HARS2: variants seen among roughly 807,000 people sequenced by gnomAD.
HARS2 encodes histidine--tRNA ligase, mitochondrial.
Under a neutral mutation model 62.4 loss-of-function variants are expected in HARS2, and 40 were observed. The ratio of observed to expected loss-of-function variants is 0.64; its 90% CI spans 0.50 to 0.83. The LOEUF is 0.83. Ranked by LOEUF, HARS2 falls within the 40% of genes least tolerant of loss-of-function variation. HARS2 has a pLI of 0.00. For synonymous variants in HARS2, 228 were observed against 227.0 expected (o/e 1.00, Z -0.04); for missense variants, 569 against 626.4 (o/e 0.91, Z 0.98).
chr5:140,697,108 A>T, intron 9 of HARS2, 38 bp downstream of exon 9: 2 of 1,614,164 alleles, frequency 1.2e-6, no homozygotes, highest in Non-Finnish European at 1.7e-6. Context: ...GCTGAGCTCT[A>T]GGGCTCTCAG....
intron 11 of HARS2, 33 bp downstream of exon 11, chr5:140,697,718 T>C: frequency 6.7e-7 from 1 of 1,486,662 alleles, no homozygotes; most frequent in African/African-American, 1.4e-5. Context: ...GCCATCTGGG[T>C]ATGTGTGGAA....
intron 1 of HARS2, chr5:140,692,011 A>T: frequency 1.8e-6 from 1 of 562,080 alleles, no homozygotes; most frequent in Non-Finnish European, 3.2e-6. Flanking sequence ...TTATACACGG[A>T]TATGTAGTAA....
rs1759800656 is a variant in HARS2, at chr5:140,697,552, TTCTTCTC to T, written c.1198-12_1198-6del. The T allele has an allele frequency of 6.2e-7, 1 of 1,605,608 alleles. No individual in the cohort carries two copies. Among genetic ancestry groups the T allele is most frequent in the African/African-American group, 1.3e-5 (1 of 74,752 alleles). Reference sequence around the variant, plus strand: ...AAAGGAGGTTTTTATTAGTTTTACTTTCTTCTCTCTTATTAGACCAAAGGTGAGAAGG... The same window carrying T: ...AAAGGAGGTTTTTATTAGTTTTACTTTCTTATTAGACCAAAGGTGAGAAGG... On this transcript the variant is annotated splice_polypyrimidine_tract_variant and intron_variant, in intron 10 of 12. Coordinates refer to ENST00000230771, the MANE Select transcript of HARS2 (RefSeq NM_012208.4).
At chr5:140,696,717 C>A in intron 8 of HARS2, 103 bp downstream of exon 8, 1 of 954,468 alleles carries the variant, frequency 1.0e-6, no homozygotes, top group Non-Finnish European at 1.7e-6. Flanking sequence ...ATGCTAAGCT[C>A]CAGGGCCTGT....
intron 1 of HARS2, among the ~76,000 whole-genome samples, chr5:140,692,870 C>T (rs1759572331): frequency 6.7e-6 from 1 of 149,370 alleles, no homozygotes; most frequent in Non-Finnish European, 1.5e-5. Flanking sequence ...CCAGCCTGGG[C>T]GACAGAGTAA....
At position 140,696,003 on chromosome 5, in the gene HARS2, A is replaced by G; in HGVS notation, c.634-100A>G. 4 of 1,029,518 alleles carry G rather than the reference A, an allele frequency of 3.9e-6. No homozygotes were observed. In the East Asian group the frequency reaches 9.4e-5, roughly 24 times the overall value. 63.8% of individuals were successfully genotyped at this position (1,029,518 alleles called of 1,614,324 possible). A position where few individuals can be genotyped will look rare whatever the true frequency, so the allele number is the denominator to read the frequency against. Reference sequence around the variant, plus strand: ...CCTATATGTCTGTACTCTTCCTGTGAAATTTCCATCCTTTTTGTGTGTCAG... The same window carrying G: ...CCTATATGTCTGTACTCTTCCTGTGGAATTTCCATCCTTTTTGTGTGTCAG... On this transcript the variant is annotated intron_variant, in intron 6 of 12. Transcript: ENST00000230771.
Position 140,696,086 on chromosome 5 carries a change from T to C in HARS2, c.634-17T>C. 1 of 1,594,242 alleles carries C rather than the reference T, an allele frequency of 6.3e-7. No homozygotes were observed. The highest frequency in any genetic ancestry group is 8.6e-7 in the Non-Finnish European group (1 of 1,161,856). On this transcript the variant is annotated splice_polypyrimidine_tract_variant and intron_variant, in intron 6 of 12. Coordinates refer to ENST00000230771, the MANE Select transcript of HARS2 (RefSeq NM_012208.4). The stretch of plus-strand genomic sequence containing the variant: ...GGGCATTGACAAGCACTTGGGTCAC[T>C]GACATTGAGTTCTCAGGTAAATGAC...
At position 140,696,520 on chromosome 5, in the gene HARS2, G is replaced by A. The variant is rs1265603514; in HGVS notation, c.733-1G>A. 2.5e-6 allele frequency: 4 copies of A among 1,611,316 alleles called. No homozygotes were observed. Among genetic ancestry groups the A allele is most frequent in the Admixed American group, 1.7e-5 (1 of 60,018 alleles). The stretch of plus-strand genomic sequence containing the variant: ...GGGCTAATGTTTGGGTGTTTATGCA[G>A]ATGGCTTGGAAAGATGTGAGACATG... On this transcript the variant is annotated splice_acceptor_variant, in intron 7 of 12. Transcript: ENST00000230771. LOFTEE classifies it high-confidence loss of function.
intron 8 of HARS2, 53 bp downstream of exon 8, chr5:140,696,667 T>C (rs1340448276): frequency 1.6e-6 from 2 of 1,229,338 alleles, no homozygotes; most frequent in Non-Finnish European, 2.4e-6. Context: ...AGGTGACATG[T>C]GCTCAAATTC....
Position 140,697,623 on chromosome 5 carries a change from CAGA to C in HARS2, c.1257_1259del (p.Lys419del). ...GACTCAAGTGTTTGTGGCCACACCA[CAGA>C]AGAACTTTCTCCAAGAACGGTTGAA... is the stretch of plus-strand genomic sequence containing the variant. On this transcript the variant is annotated inframe_deletion, in exon 11 of 13. Coordinates refer to ENST00000230771, the MANE Select transcript of HARS2 (RefSeq NM_012208.4). The C allele has an allele frequency of 6.2e-7, 1 of 1,613,980 alleles. No individual in the cohort carries two copies. Among genetic ancestry groups the C allele is most frequent in the East Asian group, 2.2e-5 (1 of 44,904 alleles).
intron 8 of HARS2, 106 bp from the exon 9 acceptor site, chr5:140,696,828 CTTTTTTTTT>C (rs373912206): frequency 7.3e-5 from 48 of 656,542 alleles, no homozygotes; most frequent in Middle Eastern, 9.3e-4. Flanking sequence ...AGACTGGGAT[CTTTTTTTTT>C]TTTTTTTTTT....
chr5:140,691,487 A>T lies in HARS2; in HGVS notation c.-162A>T, dbSNP rs964241551. The stretch of plus-strand genomic sequence containing the variant: ...CTGGCTACTAAGGGAACTTGGGAGG[A>T]TCCCACCTCAGCCTTCGTGACTAGT... On this transcript the variant is annotated 5_prime_UTR_variant, in exon 1 of 13. Transcript: ENST00000230771. 2 of 716,852 alleles carry T rather than the reference A, an allele frequency of 2.8e-6. No individual in the cohort carries two copies. Among genetic ancestry groups the T allele is most frequent in the East Asian group, 2.7e-5 (1 of 37,058 alleles). 44.4% of individuals were successfully genotyped at this position (716,852 alleles called of 1,614,324 possible). A position where few individuals can be genotyped will look rare whatever the true frequency, so the allele number is the denominator to read the frequency against.
chr5:140,691,918 C>G lies in HARS2; in HGVS notation c.108+162C>G, dbSNP rs1391425313. ...CGATTTGGATGCCTGGTCATTTAAT[C>G]CTTGGAGCAATCTTGAGAGGTTGGA... On this transcript the variant is annotated intron_variant, in intron 1 of 12. Coordinates refer to ENST00000230771, the MANE Select transcript of HARS2 (RefSeq NM_012208.4). 2.0e-5 allele frequency: 13 copies of G among 640,242 alleles called. No individual in the cohort carries two copies. The East Asian group carries it at 3.6e-4, about 18-fold the overall frequency. The allele number at this position is 640,242 out of a possible 1,614,324, so 39.7% of individuals were successfully genotyped here. A position where few individuals can be genotyped will look rare whatever the true frequency, so the allele number is the denominator to read the frequency against.
intron 1 of HARS2, chr5:140,693,358 A>T: frequency 1.3e-6 from 1 of 750,756 alleles, no homozygotes; most frequent in South Asian, 1.7e-5. Context: ...ATCCATATAC[A>T]GTGAGGAAGC....
At chr5:140,697,817 C>G (rs1581553761) in intron 11 of HARS2, 115 bp from the exon 12 acceptor site, 1 of 1,323,554 alleles carries the variant, frequency 7.6e-7, no homozygotes, top group African/African-American at 1.4e-5. Context: ...ACTAGATTGG[C>G]TTTTTAGGGT....
Position 140,691,490 on chromosome 5 carries a change from C to G in HARS2, c.-159C>G. 5.6e-6 allele frequency: 4 copies of G among 718,384 alleles called. No individual in the cohort carries two copies. The highest frequency in any genetic ancestry group is 9.6e-6 in the Non-Finnish European group (4 of 415,940). 44.5% of individuals were successfully genotyped at this position (718,384 alleles called of 1,614,324 possible). A position where few individuals can be genotyped will look rare whatever the true frequency, so the allele number is the denominator to read the frequency against. ...GCTACTAAGGGAACTTGGGAGGATC[C>G]CACCTCAGCCTTCGTGACTAGTGAG... On this transcript the variant is annotated 5_prime_UTR_variant, in exon 1 of 13. Coordinates refer to ENST00000230771, the MANE Select transcript of HARS2 (RefSeq NM_012208.4).
Position 140,697,617 on chromosome 5 carries a change from A to G in HARS2, c.1246A>G (p.Thr416Ala). 6.2e-7 allele frequency: 1 copy of G among 1,614,122 alleles called. No homozygotes were observed. Among genetic ancestry groups the G allele is most frequent in the Non-Finnish European group, 8.5e-7 (1 of 1,179,936 alleles). Residue 416 changes from threonine (T) to alanine (A), a missense_variant, in exon 11 of 13, where the codon ACA (threonine) becomes GCA (alanine). Physicochemically the swap from Thr to Ala is moderately conservative, Grantham distance 58. Transcript: ENST00000230771. ...TACAGAGACTCAAGTGTTTGTGGCC[A>G]CACCACAGAAGAACTTTCTCCAAGA... ...RTTETQVFVA[T>A]PQKNFLQERL...
intron 1 of HARS2, 186 bp from the exon 2 acceptor site, chr5:140,693,405 G>A (rs1391202010): frequency 3.5e-6 from 4 of 1,158,194 alleles, no homozygotes; most frequent in African/African-American, 3.0e-5. Flanking sequence ...TATATTACAC[G>A]TGTAATTGTA....
Position 140,697,013 on chromosome 5 carries a change from C to T in HARS2, c.897C>T (p.Gly299=). ...CCCAGAACAAGCAGGCCCTGGAGGG[C>T]CTGGGAGACCTAAAGCTGCTATTTG... ...RLSQNKQALE[G]LGDLKLLFEY... Residue 299 remains glycine, a synonymous_variant, in exon 9 of 13, where the codon GGC becomes GGT. Coordinates refer to ENST00000230771, the MANE Select transcript of HARS2 (RefSeq NM_012208.4). 6.2e-7 allele frequency: 1 copy of T among 1,613,958 alleles called. No homozygotes were observed. The highest frequency in any genetic ancestry group is 8.5e-7 in the Non-Finnish European group (1 of 1,179,924).
Sources: allele counts gnomAD v4.1 joint callset (sites outside exome capture counted in the v4.1 genomes callset), GRCh38; gene constraint gnomAD v4.1.1; transcripts MANE v1.5; gene names NCBI Gene and HGNC (gene_info 2026-07-23, HGNC 2026-07-21).